WDR49: variants seen among roughly 807,000 people sequenced by gnomAD.
The protein encoded by WDR49 is cilia- and flagella-associated protein 337.
A neutral mutation model predicts 119.5 loss-of-function variants in WDR49; 107 were observed. The ratio of observed to expected loss-of-function variants is 0.90; its 90% CI spans 0.77 to 1.05. The LOEUF (loss-of-function observed/expected upper bound fraction) is 1.05. Ranked by LOEUF, WDR49 falls within the 50% of genes least tolerant of loss-of-function variation. The probability of loss-of-function intolerance (pLI) is 0.00; values close to 1 mark genes in which losing one functional copy is unlikely to be tolerated. For synonymous variants in WDR49, 425 were observed against 418.8 expected (o/e 1.01, Z -0.18); for missense variants, 1,240 against 1,220.5 (o/e 1.02, Z -0.24).
chr3:167,492,450 G>A (rs1034420283), intron 18 of WDR49, among the ~76,000 whole-genome samples: 1 of 152,106 alleles, frequency 6.6e-6, no homozygotes, highest in Non-Finnish European at 1.5e-5. Flanking sequence ...AATTCTTTAT[G>A]CCACAAATTC....
At chr3:167,513,858 CA>C (rs891670234) in intron 16 of WDR49, among the ~76,000 whole-genome samples, 27 of 151,794 alleles carry the variant, frequency 1.8e-4, no homozygotes, top group African/African-American at 6.0e-4. Context: ...TCAAAAAAGA[CA>C]AAAAAAGGCA....
At chr3:167,528,090 A>T (rs1752701428) in intron 14 of WDR49, 73 bp from the exon 15 acceptor site, 5 of 1,313,220 alleles carry the variant, frequency 3.8e-6, no homozygotes, top group Non-Finnish European at 5.2e-6. Context: ...ACACTTTTAA[A>T]AAAAGGCCGA....
At chr3:167,657,111 G>A (rs1718623424), upstream of WDR49, among the ~76,000 whole-genome samples, 2 of 151,852 alleles carry the variant, frequency 1.3e-5, no homozygotes, top group South Asian at 4.2e-4. Flanking sequence ...TATTGCCACT[G>A]ACATAAATAT....
At chr3:167,571,120 AG>A (rs1156270437) in intron 8 of WDR49, among the ~76,000 whole-genome samples, 7 of 152,164 alleles carry the variant, frequency 4.6e-5, no homozygotes, top group Non-Finnish European at 8.8e-5. Context: ...GACCTGGACC[AG>A]CCCCCATTTT....
intron 8 of WDR49, among the ~76,000 whole-genome samples, chr3:167,570,086 A>G (rs1713844484): frequency 6.7e-6 from 1 of 150,052 alleles, no homozygotes. Context: ...CTGACATATA[A>G]CCAATTACAG....
At chr3:167,497,764 T>C (rs1751411554) in intron 18 of WDR49, among the ~76,000 whole-genome samples, 1 of 152,202 alleles carries the variant, frequency 6.6e-6, no homozygotes. Flanking sequence ...ACCCTGTATC[T>C]GGACTATCTT....
chr3:167,499,424 TAA>T (rs920203790), intron 18 of WDR49, among the ~76,000 whole-genome samples: 10 of 152,220 alleles, frequency 6.6e-5, no homozygotes, highest in African/African-American at 2.2e-4. Context: ...GTTGAAAACT[TAA>T]ACTTTTTATT....
chr3:167,607,756 A>G (rs1477580797), intron 5 of WDR49, among the ~76,000 whole-genome samples: 1 of 152,014 alleles, frequency 6.6e-6, no homozygotes, highest in African/African-American at 2.4e-5. Flanking sequence ...CTCAATCCCA[A>G]ACCAAGCCCC....
intron 17 of WDR49, among the ~76,000 whole-genome samples, chr3:167,501,059 G>A (rs901607222): frequency 3.9e-5 from 6 of 152,148 alleles, no homozygotes; most frequent in African/African-American, 1.2e-4. Flanking sequence ...CATCTGGAGG[G>A]CTTACTAAAA....
At chr3:167,612,626 G>T (rs1326647588) in intron 5 of WDR49, among the ~76,000 whole-genome samples, 2 of 152,010 alleles carry the variant, frequency 1.3e-5, no homozygotes, top group Non-Finnish European at 2.9e-5. Context: ...AAATGAAAAA[G>T]GAGACATTAC....
At chr3:167,501,007 G>A (rs545400901) in intron 17 of WDR49, among the ~76,000 whole-genome samples, 1 of 152,304 alleles carries the variant, frequency 6.6e-6, no homozygotes, top group East Asian at 1.9e-4. Flanking sequence ...AACAAGTCAG[G>A]TTCTATGTCA....
intron 2 of WDR49, among the ~76,000 whole-genome samples, chr3:167,641,475 A>G (rs899829689): frequency 6.6e-6 from 1 of 151,834 alleles, no homozygotes; most frequent in African/African-American, 2.4e-5. Context: ...CACATCATAT[A>G]CCCTAGCTGA....
At chr3:167,546,020 G>GTATGT (rs1467044842) in intron 10 of WDR49, among the ~76,000 whole-genome samples, 1 of 151,678 alleles carries the variant, frequency 6.6e-6, no homozygotes, top group Non-Finnish European at 1.5e-5. Context: ...ATGTATTTTT[G>GTATGT]ATTTTCTCTT....
At chr3:167,533,431 G>A (rs957717584) in intron 11 of WDR49, among the ~76,000 whole-genome samples, 1 of 152,066 alleles carries the variant, frequency 6.6e-6, no homozygotes, top group African/African-American at 2.4e-5. Flanking sequence ...TGAGCATATT[G>A]TAAGTACTGG....
intron 16 of WDR49, among the ~76,000 whole-genome samples, chr3:167,509,914 G>T (rs1038988774): frequency 1.3e-5 from 2 of 151,104 alleles, no homozygotes; most frequent in Non-Finnish European, 2.9e-5. Flanking sequence ...GATAAAACAG[G>T]TTATAAACTG....
chr3:167,600,266 T>C (rs1486805202), intron 7 of WDR49, among the ~76,000 whole-genome samples: 1 of 152,084 alleles, frequency 6.6e-6, no homozygotes. Flanking sequence ...CAGTAAGTCA[T>C]GTCCCCCCAC....
intron 18 of WDR49, among the ~76,000 whole-genome samples, chr3:167,495,883 G>GA: frequency 0.17 from 11,945 of 70,012 alleles, 815 homozygotes; most frequent in Non-Finnish European, 0.2. Flanking sequence ...TTAAAAATTT[G>GA]AAAAAAAAAA....
At chr3:167,593,751 G>C (rs1040559575) in intron 7 of WDR49, among the ~76,000 whole-genome samples, 2 of 152,002 alleles carry the variant, frequency 1.3e-5, no homozygotes, top group African/African-American at 2.4e-5. Flanking sequence ...ATCTGATATG[G>C]TTGGCTCTGT....
chr3:167,585,129 C>T (rs75349234), intron 7 of WDR49, among the ~76,000 whole-genome samples: 2,484 of 152,022 alleles, frequency 0.016, 70 homozygotes, highest in African/African-American at 0.057. Flanking sequence ...AAATCAAGAA[C>T]TATAAATGGC....
Sources: gnomAD v4.1 joint callset for allele counts (sites outside exome capture counted in the v4.1 genomes callset) on GRCh38, gnomAD v4.1.1 for gene constraint, MANE v1.5 for transcripts, NCBI Gene and HGNC (gene_info 2026-07-23, HGNC 2026-07-21) for gene names.